Variants in SETBP1 observed in about 807,000 individuals in gnomAD.
SETBP1 encodes the protein SET-binding protein.
A neutral mutation model predicts 101.0 loss-of-function variants in SETBP1; 9 were observed. That is an observed-to-expected ratio of 0.09 (90% CI 0.05 to 0.16). The LOEUF (loss-of-function observed/expected upper bound fraction) is 0.16, where lower values mean the gene tolerates loss of function less well. SETBP1 is among the 10% of genes least tolerant of loss of function. SETBP1 has a pLI of 1.00. For synonymous variants in SETBP1, 818 were observed against 788.5 expected, an observed-to-expected ratio of 1.04 and a Z score of -0.63; for missense variants, 1,858 against 2,033.8, an observed-to-expected ratio of 0.91 and a Z score of 1.66.
chr18:44,816,334 G>C (rs2071975729), intron 2 of SETBP1, among the ~76,000 whole-genome samples: 1 of 152,160 alleles, frequency 6.6e-6, no homozygotes, highest in South Asian at 2.1e-4. Context: ...AAATTCTCAG[G>C]AAAGCCTGAG....
intron 3 of SETBP1, among the ~76,000 whole-genome samples, chr18:44,907,818 G>C (rs577778884): frequency 2.0e-5 from 3 of 152,256 alleles, no homozygotes; most frequent in African/African-American, 7.2e-5. Flanking sequence ...TTTCATGCCA[G>C]TGACCTTCGA....
At chr18:44,864,115 G>C (rs1185492387) in intron 2 of SETBP1, among the ~76,000 whole-genome samples, 1 of 151,944 alleles carries the variant, frequency 6.6e-6, no homozygotes, top group Non-Finnish European at 1.5e-5. Context: ...GGACAGAGGG[G>C]AAAAAAATGG....
At position 45,063,829 on chromosome 18, in the gene SETBP1, A is replaced by C; in HGVS notation, c.*131A>C. ...TCTCTCCAGAAGCCGGGCAGGCAGA[A>C]TCCGGCCAGACGACGGGGCTGAGCC... On this transcript the variant is annotated 3_prime_UTR_variant, in exon 6 of 6. Transcript: ENST00000649279. 1.9e-6 allele frequency: 2 copies of C among 1,052,068 alleles called. No homozygotes were observed. The highest frequency in any genetic ancestry group is 2.7e-6 in the Non-Finnish European group (2 of 733,156). 65.2% of individuals were successfully genotyped at this position (1,052,068 alleles called of 1,614,324 possible).
chr18:44,912,680 G>A (rs1199329861), intron 3 of SETBP1, among the ~76,000 whole-genome samples: 1 of 152,106 alleles, frequency 6.6e-6, no homozygotes, highest in African/African-American at 2.4e-5. Context: ...GCCTCCTAAA[G>A]TGCTGGGATT....
rs747532053 is a variant in SETBP1 at position 45,063,739 on chromosome 18, C to T, written c.*41C>T. 18 of 1,582,304 alleles carry T rather than the reference C, an allele frequency of 1.1e-5. No homozygotes were observed. The African/African-American group carries it at 2.0e-4, about 18-fold the overall frequency. Reference sequence around the variant, plus strand: ...CTGCACCTGGGGCCTAGGGAACTGACACGTGGGAAGCGCAGTGAGCCGGGG... The same window carrying T: ...CTGCACCTGGGGCCTAGGGAACTGATACGTGGGAAGCGCAGTGAGCCGGGG... On this transcript the variant is annotated 3_prime_UTR_variant, in exon 6 of 6. Transcript: ENST00000649279.
At chr18:44,864,333 C>A (rs1391927441) in intron 2 of SETBP1, among the ~76,000 whole-genome samples, 1 of 152,122 alleles carries the variant, frequency 6.6e-6, no homozygotes, top group Non-Finnish European at 1.5e-5. Context: ...GAGCAGAATG[C>A]CGCTGCTTAG....
intron 2 of SETBP1, among the ~76,000 whole-genome samples, chr18:44,761,161 C>T (rs1389262534): frequency 3.3e-5 from 5 of 152,054 alleles, no homozygotes; most frequent in South Asian, 2.1e-4. Flanking sequence ...AATAATTTTA[C>T]GTATTTCTAG....
chr18:44,955,195 A>G (rs2071455945), intron 4 of SETBP1, among the ~76,000 whole-genome samples: 1 of 152,160 alleles, frequency 6.6e-6, no homozygotes, highest in African/African-American at 2.4e-5. Flanking sequence ...ACGTCCAGTC[A>G]CTGTGTGCCC....
In SETBP1 at chr18:44,950,692, T is replaced by C. The variant is rs907031959; in HGVS notation, c.1352T>C (p.Ile451Thr). 3 of 1,614,184 alleles carry C rather than the reference T, an allele frequency of 1.9e-6. No individual in the cohort carries two copies. The highest frequency in any genetic ancestry group is 2.5e-6 in the Non-Finnish European group (3 of 1,180,024). The change falls in exon 4 of 6, where the codon ATA (isoleucine) becomes ACA (threonine). Residue 451 changes from isoleucine (I) to threonine (T), a missense_variant. Physicochemically the swap from Ile to Thr is moderately conservative, Grantham distance 89. This residue lies in a region of SETBP1 where 581 missense variants were observed against 535.1 expected (regional missense o/e 1.09). Transcript: ENST00000649279. Reference protein sequence around the residue: ...ITMSSEVVNRILSNSEGNKKD... With the variant: ...ITMSSEVVNRTLSNSEGNKKD... Reference sequence around the variant, plus strand: ...ATGAGCAGTGAAGTAGTTAACAGGATACTTTCCAACTCTGAGGGGAATAAG... The same window carrying C: ...ATGAGCAGTGAAGTAGTTAACAGGACACTTTCCAACTCTGAGGGGAATAAG...
intron 2 of SETBP1, among the ~76,000 whole-genome samples, chr18:44,805,338 T>C (rs962944464): frequency 1.3e-5 from 2 of 152,084 alleles, no homozygotes; most frequent in South Asian, 2.1e-4. Flanking sequence ...GATTAACTTA[T>C]TCTGTGTGTC....
chr18:44,752,954 T>C (rs866526122), intron 2 of SETBP1, among the ~76,000 whole-genome samples: 8 of 152,284 alleles, frequency 5.3e-5, no homozygotes, highest in Middle Eastern at 6.8e-3. Context: ...CCCAGAAAAA[T>C]TAGAAATTAC....
intron 4 of SETBP1, among the ~76,000 whole-genome samples, chr18:44,985,401 CCT>C (rs1478620395): frequency 1.3e-4 from 20 of 152,230 alleles, no homozygotes; most frequent in African/African-American, 4.8e-4. Flanking sequence ...CTATGCTATT[CCT>C]CTGTCTCTGT....
chr18:44,761,349 T>C (rs1255418983), intron 2 of SETBP1, among the ~76,000 whole-genome samples: 3 of 152,242 alleles, frequency 2.0e-5, no homozygotes, highest in African/African-American at 7.2e-5. Flanking sequence ...TACAGTGTAA[T>C]AGAATACCAC....
At chr18:44,711,975 G>GC (rs2069358095) in intron 2 of SETBP1, among the ~76,000 whole-genome samples, 1 of 152,084 alleles carries the variant, frequency 6.6e-6, no homozygotes, top group Non-Finnish European at 1.5e-5. Context: ...CTCCCTGCCT[G>GC]CCCCTTCTTC....
intron 1 of SETBP1, among the ~76,000 whole-genome samples, chr18:44,687,223 T>C (rs943516727): frequency 6.6e-6 from 1 of 152,218 alleles, no homozygotes; most frequent in Non-Finnish European, 1.5e-5. Context: ...ACATTGCCTT[T>C]CTACTGTTGT....
chr18:44,950,871 G>T lies in SETBP1; in HGVS notation c.1531G>T (p.Asp511Tyr), dbSNP rs2145098678. ...PMVMTPPTCT[D>Y]HSPSRKLPEI... ...GGTCATGACACCTCCAACGTGCACA[G>T]ATCACTCTCCATCCAGAAAGCTGCC... Residue 511 changes from aspartate to tyrosine, a missense_variant, in exon 4 of 6, where the codon GAT becomes TAT. Physicochemically the swap from Asp to Tyr is radical, Grantham distance 160. Transcript: ENST00000649279. 6.2e-7 allele frequency: 1 copy of T among 1,614,118 alleles called. No homozygotes were observed. The highest frequency in any genetic ancestry group is 8.5e-7 in the Non-Finnish European group (1 of 1,180,022).
At position 44,952,751 on chromosome 18, in the gene SETBP1, A is replaced by T. The variant is rs1031978704; in HGVS notation, c.3411A>T (p.Val1137=). 5.0e-6 allele frequency: 8 copies of T among 1,614,032 alleles called. No homozygotes were observed. The highest frequency in any genetic ancestry group is 5.9e-6 in the Non-Finnish European group (7 of 1,180,032). ...AGCCTTCTCTGAACCCTCCCAAGGT[A>T]GGCAGTGCCAGTCTGTCCAGTGGTC... is the stretch of plus-strand genomic sequence containing the variant. ...DMQPSLNPPK[V]GSASLSSGRL... is the part of the protein sequence containing the mutation. Residue 1137 remains valine (V), a synonymous_variant, in exon 4 of 6, where the codon GTA becomes GTT. Transcript: ENST00000649279.
intron 2 of SETBP1, among the ~76,000 whole-genome samples, chr18:44,775,722 T>C (rs1217430783): frequency 1.3e-5 from 2 of 149,486 alleles, no homozygotes; most frequent in Non-Finnish European, 3.0e-5. Flanking sequence ...TTTTTTTTTT[T>C]CGTTGTCCAA....
intron 3 of SETBP1, among the ~76,000 whole-genome samples, chr18:44,922,117 G>A (rs1201921148): frequency 6.6e-6 from 1 of 152,176 alleles, no homozygotes; most frequent in Non-Finnish European, 1.5e-5. Context: ...ATAAAATAAA[G>A]TGGCTTGAAG....
Sources: gnomAD v4.1 joint callset for allele counts (sites outside exome capture counted in the v4.1 genomes callset) on GRCh38, gnomAD v4.1.1 for gene constraint, gnomAD v4.1.1 regional missense constraint, MANE v1.5 for transcripts, NCBI Gene and HGNC (gene_info 2026-07-23, HGNC 2026-07-21) for gene names.